Variants in MAGI2 observed in about 807,000 individuals in gnomAD.
The protein encoded by MAGI2 is membrane associated guanylate kinase, WW and PDZ domain containing 2, also known as membrane-associated guanylate kinase, WW and PDZ domain-containing protein 2.
MAGI2 carries 35 observed loss-of-function variants against 133.3 expected under a neutral mutation model. The ratio of observed to expected loss-of-function variants is 0.26; its 90% CI spans 0.20 to 0.35. The LOEUF (loss-of-function observed/expected upper bound fraction) is 0.35, where lower values mean the gene tolerates loss of function less well. Among genes scored for constraint, MAGI2 ranks in the 10% least tolerant of loss-of-function variants. The pLI, the probability that MAGI2 is intolerant of heterozygous loss-of-function variation, is 1.00. For synonymous variants in MAGI2, 729 were observed against 710.6 expected, an observed-to-expected ratio of 1.03 and a Z score of -0.41; for missense variants, 1,636 against 1,863.4, an observed-to-expected ratio of 0.88 and a Z score of 2.25.
At position 78,775,061 on chromosome 7, in the gene MAGI2, C is replaced by T. The variant is rs866798855; in HGVS notation, c.419-147822G>A. Among the ~76,000 whole-genome samples, 3 of 151,754 alleles carry T rather than the reference C, an allele frequency of 2.0e-5. No individual in the cohort carries two copies. In the South Asian group the frequency reaches 6.3e-4, roughly 32 times the overall value. ...GGGCGCAGTGGCTCACACCTGTAAT[C>T]CCAGCACTTTGGGAGGCCGAGGTGG... On this transcript the variant is annotated intron_variant, in intron 2 of 21. Coordinates refer to ENST00000354212, the MANE Select transcript of MAGI2 (RefSeq NM_012301.4).
intron 1 of MAGI2, among the ~76,000 whole-genome samples, chr7:79,132,270 G>A (rs1021259594): frequency 1.3e-5 from 2 of 152,044 alleles, no homozygotes; most frequent in Admixed American, 6.6e-5. Context: ...TGTACCTAAT[G>A]TGTAATTTTT....
chr7:79,449,527 A>G (rs1419860985), intron 1 of MAGI2, among the ~76,000 whole-genome samples: 1 of 152,060 alleles, frequency 6.6e-6, no homozygotes, highest in African/African-American at 2.4e-5. Flanking sequence ...CAAACCTTAA[A>G]AAAGGGAAAA....
At chr7:78,124,451 T>G (rs1437034785) in intron 20 of MAGI2, among the ~76,000 whole-genome samples, 1 of 152,218 alleles carries the variant, frequency 6.6e-6, no homozygotes, top group African/African-American at 2.4e-5. Flanking sequence ...AGACATGATG[T>G]GCATGCCTTC....
chr7:78,851,616 T>C (rs1271616518), intron 2 of MAGI2, among the ~76,000 whole-genome samples: 4 of 152,144 alleles, frequency 2.6e-5, no homozygotes, highest in African/African-American at 4.8e-5. Context: ...TACCTAGGTA[T>C]AGCTAAACAA....
chr7:79,408,798 C>T (rs2129169574), intron 1 of MAGI2, among the ~76,000 whole-genome samples: 1 of 152,064 alleles, frequency 6.6e-6, no homozygotes, highest in African/African-American at 2.4e-5. Flanking sequence ...ATAGGTTATT[C>T]ATATAAGGGT....
chr7:78,121,723 T>A (rs1314586079), intron 20 of MAGI2, among the ~76,000 whole-genome samples: 1 of 152,180 alleles, frequency 6.6e-6, no homozygotes, highest in Non-Finnish European at 1.5e-5. Flanking sequence ...AGGCATCTAG[T>A]CTAGTCTAGA....
chr7:79,324,904 C>T (rs112062403), intron 1 of MAGI2, among the ~76,000 whole-genome samples: 1 of 150,812 alleles, frequency 6.6e-6, no homozygotes, highest in African/African-American at 2.4e-5. Flanking sequence ...AAAGAAATTC[C>T]ACTCAGGATA....
chr7:79,377,013 A>C (rs906558147), intron 1 of MAGI2, among the ~76,000 whole-genome samples: 2 of 151,900 alleles, frequency 1.3e-5, no homozygotes, highest in African/African-American at 4.8e-5. Context: ...AATTATAAAA[A>C]GTAAAATGCA....
intron 2 of MAGI2, among the ~76,000 whole-genome samples, chr7:78,992,461 C>G (rs1805883528): frequency 6.6e-6 from 1 of 151,826 alleles, no homozygotes; most frequent in African/African-American, 2.4e-5. Context: ...AAGTGCATTG[C>G]TAACTGACCA....
At chr7:78,424,352 T>C (rs1374082349) in intron 6 of MAGI2, among the ~76,000 whole-genome samples, 2 of 152,076 alleles carry the variant, frequency 1.3e-5, no homozygotes, top group Non-Finnish European at 2.9e-5. Flanking sequence ...TCAGAAGATA[T>C]ATGGAAATGC....
At chr7:78,259,203 T>C (rs1473977058) in intron 9 of MAGI2, among the ~76,000 whole-genome samples, 2 of 152,154 alleles carry the variant, frequency 1.3e-5, no homozygotes, top group Non-Finnish European at 2.9e-5. Context: ...AGTGAGTTTT[T>C]TTTAACTCAT....
chr7:79,161,893 T>C (rs1443275456), intron 1 of MAGI2, among the ~76,000 whole-genome samples: 1 of 152,130 alleles, frequency 6.6e-6, no homozygotes, highest in Non-Finnish European at 1.5e-5. Flanking sequence ...AGGCTTAGAC[T>C]AGAATACACT....
intron 1 of MAGI2, among the ~76,000 whole-genome samples, chr7:79,397,155 G>A (rs2129157976): frequency 1.3e-5 from 2 of 149,184 alleles, no homozygotes; most frequent in Middle Eastern, 3.6e-3. Flanking sequence ...CTTTTTAGGA[G>A]TTATTATTTA....
intron 21 of MAGI2, among the ~76,000 whole-genome samples, chr7:78,027,492 G>A (rs1045080091): frequency 3.3e-5 from 5 of 152,046 alleles, no homozygotes; most frequent in African/African-American, 1.2e-4. Flanking sequence ...GCCGGGTGTG[G>A]TGGCACATGC....
intron 21 of MAGI2, among the ~76,000 whole-genome samples, chr7:78,065,303 G>A (rs770307005): frequency 2.6e-5 from 4 of 152,124 alleles, no homozygotes; most frequent in Admixed American, 1.3e-4. Flanking sequence ...GGTGGAACGC[G>A]GCCAGTGCTG....
chr7:78,403,407 C>T (rs2151353010), intron 6 of MAGI2, among the ~76,000 whole-genome samples: 1 of 152,262 alleles, frequency 6.6e-6, no homozygotes, highest in African/African-American at 2.4e-5. Flanking sequence ...CATTGTTGGA[C>T]ATTTGGGTTG....
chr7:79,203,422 C>A (rs557601562), intron 1 of MAGI2, among the ~76,000 whole-genome samples: 1 of 152,134 alleles, frequency 6.6e-6, no homozygotes, highest in South Asian at 2.1e-4. Context: ...TTCAACCTTA[C>A]CTTTTAATCC....
chr7:78,363,383 C>T (rs1793032822), intron 7 of MAGI2, among the ~76,000 whole-genome samples: 1 of 152,138 alleles, frequency 6.6e-6, no homozygotes, highest in Non-Finnish European at 1.5e-5. Flanking sequence ...GTCCCAGCTA[C>T]TCGGGACGCT....
chr7:78,261,783 G>A (rs1285786480), intron 9 of MAGI2, among the ~76,000 whole-genome samples: 1 of 152,012 alleles, frequency 6.6e-6, no homozygotes, highest in African/African-American at 2.4e-5. Flanking sequence ...ATTTGACTGA[G>A]CTTTATTTTC....
Sources: gnomAD v4.1 joint callset for allele counts (sites outside exome capture counted in the v4.1 genomes callset) on GRCh38, gnomAD v4.1.1 for gene constraint, MANE v1.5 for transcripts, NCBI Gene and HGNC (gene_info 2026-07-23, HGNC 2026-07-21) for gene names.